The following ZDHHC19 variants were observed in gnomAD, a reference collection of about 807,000 sequenced individuals.
The protein encoded by ZDHHC19 is zDHHC palmitoyltransferase 19.
In ZDHHC19, 30 loss-of-function variants were observed where a neutral mutation model predicts 33.9. The ratio of observed to expected loss-of-function variants is 0.88; its 90% confidence interval spans 0.66 to 1.20. ZDHHC19 has a LOEUF of 1.20. Among genes scored for constraint, ZDHHC19 ranks in the 50% most tolerant of loss-of-function variants. The probability of loss-of-function intolerance (pLI) is 0.00; values close to 1 mark genes in which losing one functional copy is unlikely to be tolerated. For missense variants in ZDHHC19, 364 were observed against 401.1 expected (o/e 0.91, Z 0.79); for synonymous variants, 178 against 167.6 (o/e 1.06, Z -0.48).
chr3:196,210,523 G>C, intron 2 of ZDHHC19, 93 bp downstream of exon 2: 3 of 1,558,962 alleles, frequency 1.9e-6, no homozygotes, highest in Non-Finnish European at 2.6e-6. Flanking sequence ...AGAGGCTGGA[G>C]GAGGGTCAGT....
chr3:196,205,536 C>T (rs1722664291), intron 5 of ZDHHC19, among the ~76,000 whole-genome samples: 1 of 152,098 alleles, frequency 6.6e-6, no homozygotes, highest in Admixed American at 6.6e-5. Flanking sequence ...GTGGGATGGA[C>T]CTGTTCTAAA....
At chr3:196,207,316 A>C in intron 5 of ZDHHC19, 82 bp downstream of exon 5, 2 of 1,279,020 alleles carry the variant, frequency 1.6e-6, no homozygotes, top group Admixed American at 4.2e-5. Flanking sequence ...GGGTCAGGCT[A>C]TCAGGGCCAA....
At chr3:196,202,322 CAAAAAGGAAAAAA>C (rs1169098100) in intron 5 of ZDHHC19, 1 of 148,852 alleles carries the variant, frequency 6.7e-6, no homozygotes, top group Non-Finnish European at 1.5e-5. Flanking sequence ...GACTCCGTCT[CAAAAAGGAAAAAA>C]AAAAAGTTCC....
rs1288499338 is a variant in ZDHHC19 at position 196,210,251 on chromosome 3, AAAAG to A, written c.268+361_268+364del. Among the ~76,000 whole-genome samples, 1,105 of 128,732 alleles carry A rather than the reference AAAAG, an allele frequency of 8.6e-3. 27 individuals are homozygous for A. The highest frequency in any genetic ancestry group is 0.036 in the African/African-American group (1,046 of 29,282). The allele number at this position is 128,732 out of a possible 152,430, so 84.5% of individuals were successfully genotyped here. ...AAGGAAAGAAGGAAAGAAAGAAAGAAAAAGAAAGAAAGAAAAGAGAAAGAAAGAA... is the reference window on the plus strand; with the variant it reads ...AAGGAAAGAAGGAAAGAAAGAAAGAAAAAGAAAGAAAAGAGAAAGAAAGAA... On this transcript the variant is annotated intron_variant, in intron 2 of 7. Coordinates refer to ENST00000296326, the MANE Select transcript of ZDHHC19 (RefSeq NM_001039617.2).
chr3:196,208,643 C>A (rs1177090737), intron 3 of ZDHHC19, 83 bp from the exon 4 acceptor site: 24 of 1,506,468 alleles, frequency 1.6e-5, no homozygotes, highest in Non-Finnish European at 2.1e-5. Context: ...GGCCCTCCCC[C>A]TGCCTTCTAG....
In ZDHHC19 at chr3:196,198,312, T is replaced by C; in HGVS notation, c.913A>G (p.Thr305Ala). Residue 305 changes from threonine to alanine, a missense_variant, in exon 7 of 8, where the codon ACC becomes GCC. By Grantham distance (58) the Thr-to-Ala change is moderately conservative. Coordinates refer to ENST00000296326, the MANE Select transcript of ZDHHC19 (RefSeq NM_001039617.2). ...CTGCAGCCTCACCACGCCCCGGGGGTCCCTTCCCTGCTTTGTAGGGACCCA... is the reference window on the plus strand; with the variant it reads ...CTGCAGCCTCACCACGCCCCGGGGGCCCCTTCCCTGCTTTGTAGGGACCCA... ...TSGSLQSREG[T>A]PGAW The C allele has an allele frequency of 6.7e-7, 1 of 1,493,828 alleles. No individual in the cohort carries two copies. The highest frequency in any genetic ancestry group is 8.9e-7 in the Non-Finnish European group (1 of 1,121,256). The allele number at this position is 1,493,828 out of a possible 1,614,324, so 92.5% of individuals were successfully genotyped here. A position where few individuals can be genotyped will look rare whatever the true frequency, so the allele number is the denominator to read the frequency against.
chr3:196,199,462 A>C (rs1722066810), intron 5 of ZDHHC19: 1 of 158,690 alleles, frequency 6.3e-6, no homozygotes. Flanking sequence ...AAAGGCTGAG[A>C]TTTTCAACAC....
intron 4 of ZDHHC19, 142 bp downstream of exon 4, chr3:196,208,246 C>T (rs1255063327): frequency 1.7e-6 from 1 of 572,076 alleles, no homozygotes; most frequent in Admixed American, 4.0e-5. Flanking sequence ...GCCCATCCCC[C>T]GACCCCGCCC....
chr3:196,208,217 C>T (rs963494306), intron 4 of ZDHHC19, among the ~76,000 whole-genome samples, 171 bp downstream of exon 4: 2 of 152,028 alleles, frequency 1.3e-5, no homozygotes, highest in Non-Finnish European at 2.9e-5. Flanking sequence ...CTTAACGCTC[C>T]GCCCCTTCTC....
At chr3:196,202,197 C>T (rs528951900) in intron 5 of ZDHHC19, among the ~76,000 whole-genome samples, 1 of 151,854 alleles carries the variant, frequency 6.6e-6, no homozygotes, top group Non-Finnish European at 1.5e-5. Context: ...GGTGCACGCC[C>T]GTAGTTCCAG....
Position 196,198,327 on chromosome 3 carries a change from G to C in ZDHHC19, c.898C>G (p.Gln300Glu). The change falls in exon 7 of 8, where the codon CAA becomes GAA. Residue 300 changes from glutamine to glutamate, a missense_variant. Transcript: ENST00000296326. Reference protein sequence around the residue: ...NPPAPTSGSLQSREGTPGAW With the variant: ...NPPAPTSGSLESREGTPGAW Reference sequence around the variant, plus strand: ...GCCCCGGGGGTCCCTTCCCTGCTTTGTAGGGACCCAGAGGTTGGGGCTGGG... The same window carrying C: ...GCCCCGGGGGTCCCTTCCCTGCTTTCTAGGGACCCAGAGGTTGGGGCTGGG... The C allele has an allele frequency of 6.6e-7, 1 of 1,512,874 alleles. No individual in the cohort carries two copies. Among genetic ancestry groups the C allele is most frequent in the Non-Finnish European group, 8.8e-7 (1 of 1,131,388 alleles). The allele number at this position is 1,512,874 out of a possible 1,614,324, so 93.7% of individuals were successfully genotyped here.
chr3:196,207,545 GGCCCC>G, intron 4 of ZDHHC19, 42 bp from the exon 5 acceptor site: 5 of 1,478,016 alleles, frequency 3.4e-6, no homozygotes, highest in Non-Finnish European at 4.5e-6. Context: ...CCCCACGCCT[GGCCCC>G]GCCCCCCAGG....
At chr3:196,206,828 C>A (rs1308724149) in intron 5 of ZDHHC19, among the ~76,000 whole-genome samples, 1 of 151,988 alleles carries the variant, frequency 6.6e-6, no homozygotes. Context: ...CAGAAGCAGT[C>A]GACTTGGTTG....
At chr3:196,210,216 A>AGAAAGAAGAAAG (rs1445526468) in intron 2 of ZDHHC19, among the ~76,000 whole-genome samples, 1 of 151,088 alleles carries the variant, frequency 6.6e-6, no homozygotes, top group South Asian at 2.1e-4. Context: ...AAAGAGAGAA[A>AGAAAGAAGAAAG]GAAAGAAGAA....
chr3:196,201,402 G>A (rs911301211), intron 5 of ZDHHC19, among the ~76,000 whole-genome samples: 3 of 150,758 alleles, frequency 2.0e-5, no homozygotes, highest in Non-Finnish European at 4.4e-5. Context: ...CCTCTCCCAC[G>A]CAAGATGCTT....
At chr3:196,209,593 G>A in intron 2 of ZDHHC19, 78 bp from the exon 3 acceptor site, 2 of 1,537,714 alleles carry the variant, frequency 1.3e-6, no homozygotes, top group Non-Finnish European at 1.8e-6. Flanking sequence ...CGGCATCACA[G>A]GGCACAAGGA....
rs531920700 is a variant in ZDHHC19 at position 196,203,584 on chromosome 3, G to A, written c.687+3814C>T. Among the ~76,000 whole-genome samples, 9 of 152,194 alleles carry A rather than the reference G, an allele frequency of 5.9e-5. No individual in the cohort carries two copies. The highest frequency in any genetic ancestry group is 1.3e-4 in the Admixed American group (2 of 15,280). The stretch of plus-strand genomic sequence containing the variant: ...GAAGAAGGCCTGAGGCAGGTGCTGC[G>A]GGCTGCGGGAAGGAGCCCTGCCTGG... On this transcript the variant is annotated intron_variant, in intron 5 of 7. Transcript: ENST00000296326. This position sits in a 1 kb window ranked among gnomAD's most constrained non-coding sequence, Gnocchi z 4.3.
chr3:196,211,116 G>T, intron 1 of ZDHHC19, 54 bp downstream of exon 1: 1 of 1,613,446 alleles, frequency 6.2e-7, no homozygotes, highest in Non-Finnish European at 8.5e-7. Flanking sequence ...ATCATCTTCT[G>T]TTTCCCTGGC....
intron 3 of ZDHHC19, chr3:196,209,106 CT>C: frequency 2.3e-6 from 1 of 432,524 alleles, no homozygotes; most frequent in African/African-American, 2.0e-5. Context: ...GGACAGAGGG[CT>C]GCCTCTCCTC....
Sources: gnomAD v4.1 joint callset for allele counts (sites outside exome capture counted in the v4.1 genomes callset) on GRCh38, gnomAD v4.1.1 for gene constraint, Gnocchi (gnomAD v3.1) non-coding constraint, MANE v1.5 for transcripts, NCBI Gene and HGNC (gene_info 2026-07-23, HGNC 2026-07-21) for gene names.